Variants in NADK observed in about 807,000 individuals in gnomAD.
NADK encodes the protein poly(P)/ATP NAD kinase.
In NADK, 22 loss-of-function variants were observed where a neutral mutation model predicts 49.8. The observed-to-expected ratio is 0.44, with a 90% confidence interval of 0.32 to 0.63. NADK has a LOEUF of 0.63. Ranked by LOEUF, NADK falls within the 30% of genes least tolerant of loss-of-function variation. The pLI is 0.06. For synonymous variants in NADK, 268 were observed against 253.7 expected (o/e 1.06, Z -0.54); for missense variants, 438 against 609.4 (o/e 0.72, Z 2.96).
At chr1:1,779,685 G>T (rs1472610064), upstream of NADK, among the ~76,000 whole-genome samples, 1 of 151,904 alleles carries the variant, frequency 6.6e-6, no homozygotes, top group Non-Finnish European at 1.5e-5. Flanking sequence ...GTGTGTGTGT[G>T]TGTGTGTAGA....
In NADK at chr1:1,754,068, C is replaced by T. The variant is rs145224339; in HGVS notation, c.1084G>A (p.Ala362Thr). 146 of 1,595,818 alleles carry T rather than the reference C, an allele frequency of 9.1e-5. No individual in the cohort carries two copies. The highest frequency in any genetic ancestry group is 3.3e-4 in the Middle Eastern group (2 of 5,972). ...GCTCTGACCTTCAGCTCGACCCCTG[C>T]GGGGACCACGATGGGCCGGAAGGAC... ...SLSFRPIVVP[A>T]GVELKIMLSP... Residue 362 changes from alanine to threonine, a missense_variant, in exon 10 of 12, where the codon GCA (alanine) becomes ACA (threonine). Ala to Thr is a moderately conservative substitution (Grantham distance 58). Transcript: ENST00000341426. The surrounding 1 kb of genome is among the most constrained non-coding windows in gnomAD (Gnocchi z 4.3).
At chr1:1,760,360 C>T (rs768470163) in intron 3 of NADK, among the ~76,000 whole-genome samples, 22 of 152,212 alleles carry the variant, frequency 1.4e-4, no homozygotes, top group Non-Finnish European at 2.1e-4. Flanking sequence ...GGCCAACCCC[C>T]GTCCTGCCTG....
At chr1:1,753,185 T>A in intron 11 of NADK, 125 bp from the exon 12 acceptor site, 1 of 1,220,752 alleles carries the variant, frequency 8.2e-7, no homozygotes, top group Non-Finnish European at 1.1e-6. Flanking sequence ...GGGCAGCCCC[T>A]CCCCGAGGCA....
intron 1 of NADK, among the ~76,000 whole-genome samples, chr1:1,766,373 T>G (rs1645884752): frequency 2.6e-5 from 3 of 114,112 alleles, no homozygotes; most frequent in Non-Finnish European, 4.9e-5. Context: ...GCCACTGCAC[T>G]CCAGCCTGGG....
chr1:1,752,586 C>G lies in NADK; in HGVS notation c.*318G>C. Reference sequence around the variant, plus strand: ...CATTCTGACTCCTCTGAATTTCAACCGACTGATTTGCGGAAAAATATCCTG... The same window carrying G: ...CATTCTGACTCCTCTGAATTTCAACGGACTGATTTGCGGAAAAATATCCTG... On this transcript the variant is annotated 3_prime_UTR_variant, in exon 12 of 12. Coordinates refer to ENST00000341426, the MANE Select transcript of NADK (RefSeq NM_023018.5). The G allele has an allele frequency of 3.6e-6, 1 of 275,416 alleles. No individual in the cohort carries two copies. The highest frequency in any genetic ancestry group is 9.3e-5 in the South Asian group (1 of 10,776). 17.1% of individuals were successfully genotyped at this position (275,416 alleles called of 1,614,324 possible).
At chr1:1,753,127 TCCTC>T in intron 11 of NADK, 67 bp from the exon 12 acceptor site, 12 of 1,525,910 alleles carry the variant, frequency 7.9e-6, no homozygotes, top group African/African-American at 1.4e-5. Flanking sequence ...CAAGAACCCT[TCCTC>T]CCTCCCTCCC....
upstream of NADK, chr1:1,780,439 C>T (rs558280144): frequency 7.9e-5 from 12 of 152,266 alleles, no homozygotes; most frequent in Non-Finnish European, 1.2e-4. Context: ...GCAGCTGCCC[C>T]GTCTGTGGCA....
intron 3 of NADK, chr1:1,758,301 GCAGC>G: frequency 6.5e-7 from 1 of 1,528,350 alleles, no homozygotes; most frequent in Non-Finnish European, 8.9e-7. Flanking sequence ...GACGCCGATG[GCAGC>G]CACAGGGCCA....
rs536742536 is a variant in NADK, at chr1:1,757,512, C to T, written c.264-202G>A. 2.1e-3 allele frequency among the ~76,000 whole-genome samples: 313 copies of T among 152,052 alleles called. 1 individual carries two copies. Among genetic ancestry groups the T allele is most frequent in the South Asian group, 0.015 (73 of 4,794 alleles). On this transcript the variant is annotated intron_variant, in intron 3 of 11. Transcript: ENST00000341426. ...GGGTCAGTAGGGTCCGGAGTGACCA[C>T]CTCTCACCTGCTTGGCCCATCACAC...
chr1:1,768,993 C>T (rs1417495037), intron 1 of NADK, among the ~76,000 whole-genome samples: 1 of 152,202 alleles, frequency 6.6e-6, no homozygotes, highest in African/African-American at 2.4e-5. Context: ...TTCCTACGTG[C>T]CCTCCAGACT....
In NADK at chr1:1,754,490, ACCGAAGTCGCCCCACCCTGGGC is replaced by A; in HGVS notation, c.843+32_843+53del. ...TCTCCGGAAGGTCCTCATCCCTGGG[ACCGAAGTCGCCCCACCCTGGGC>A]CCCTCACCGAGGCCGAGGCGCCTCC... On this transcript the variant is annotated intron_variant, in intron 8 of 11. Coordinates refer to ENST00000341426, the MANE Select transcript of NADK (RefSeq NM_023018.5). This position sits in a 1 kb window ranked among gnomAD's most constrained non-coding sequence, Gnocchi z 4.3. 2.1e-6 allele frequency: 1 copy of A among 468,290 alleles called. No individual in the cohort carries two copies. Among genetic ancestry groups the A allele is most frequent in the Non-Finnish European group, 3.4e-6 (1 of 294,094 alleles). 29.0% of individuals were successfully genotyped at this position (468,290 alleles called of 1,614,324 possible).
In NADK at chr1:1,752,735, TA is replaced by T; in HGVS notation, c.*168del. Reference sequence around the variant, plus strand: ...GAAATGCAAAAAAAGTCAGACATTTTAAAAAAACAGCTGATCTGGACAAAAG... The same window carrying T: ...GAAATGCAAAAAAAGTCAGACATTTTAAAAAACAGCTGATCTGGACAAAAG... On this transcript the variant is annotated 3_prime_UTR_variant, in exon 12 of 12. Coordinates refer to ENST00000341426, the MANE Select transcript of NADK (RefSeq NM_023018.5). The T allele has an allele frequency of 2.6e-6, 2 of 759,494 alleles. No individual in the cohort carries two copies. Among genetic ancestry groups the T allele is most frequent in the Non-Finnish European group, 4.1e-6 (2 of 490,264 alleles). The allele number at this position is 759,494 out of a possible 1,614,324, so 47.0% of individuals were successfully genotyped here.
intron 3 of NADK, chr1:1,759,125 C>T (rs1283393461): frequency 1.3e-6 from 2 of 1,553,088 alleles, no homozygotes; most frequent in Non-Finnish European, 1.7e-6. Context: ...TACACCCATT[C>T]CAGCCCTGAG....
At chr1:1,758,559 C>G (rs754384496) in intron 3 of NADK, 1 of 1,562,810 alleles carries the variant, frequency 6.4e-7, no homozygotes, top group Non-Finnish European at 8.7e-7. Flanking sequence ...TGCGCCCACA[C>G]TAGAAGCCTA....
At chr1:1,775,072 G>A (rs1557866662) in intron 1 of NADK, among the ~76,000 whole-genome samples, 2 of 151,896 alleles carry the variant, frequency 1.3e-5, no homozygotes, top group African/African-American at 4.8e-5. Context: ...TCACGCCACT[G>A]CCCTCCAGCC....
intron 4 of NADK, chr1:1,756,859 G>A (rs775131572): frequency 6.1e-6 from 5 of 817,130 alleles, no homozygotes; most frequent in South Asian, 1.3e-5. Context: ...TTTCCTGGGC[G>A]CCGCAACCCC....
At chr1:1,760,365 T>C (rs1397570180) in intron 3 of NADK, among the ~76,000 whole-genome samples, 1 of 152,210 alleles carries the variant, frequency 6.6e-6, no homozygotes, top group African/African-American at 2.4e-5. Flanking sequence ...ACCCCCGTCC[T>C]GCCTGGGACG....
Position 1,758,296 on chromosome 1 carries a change from C to T in NADK, c.264-986G>A, listed in dbSNP as rs191643869. ...ACCCCCAGAACCACAACACAGACGC[C>T]GATGGCAGCCACAGGGCCACAGACC... is the stretch of plus-strand genomic sequence containing the variant. On this transcript the variant is annotated intron_variant, in intron 3 of 11. Transcript: ENST00000341426. 1.6e-4 allele frequency: 245 copies of T among 1,522,310 alleles called. No homozygotes were observed. The Middle Eastern group carries it at 1.7e-3, about 10-fold the overall frequency. 94.3% of individuals were successfully genotyped at this position (1,522,310 alleles called of 1,614,324 possible). A position where few individuals can be genotyped will look rare whatever the true frequency, so the allele number is the denominator to read the frequency against.
intron 1 of NADK, 45 bp from the exon 2 acceptor site, chr1:1,765,491 G>A: frequency 2.1e-6 from 2 of 971,712 alleles, no homozygotes; most frequent in Non-Finnish European, 2.9e-6. Flanking sequence ...AAATAAATAT[G>A]TATGAAACAA....
Sources: allele counts gnomAD v4.1 joint callset (sites outside exome capture counted in the v4.1 genomes callset), GRCh38; gene constraint gnomAD v4.1.1; non-coding constraint Gnocchi (gnomAD v3.1); transcripts MANE v1.5; gene names NCBI Gene and HGNC (gene_info 2026-07-23, HGNC 2026-07-21).